Variants in NFYB observed in about 807,000 individuals in gnomAD.
The protein encoded by NFYB is CAAT box DNA-binding protein subunit B.
A neutral mutation model predicts 28.0 loss-of-function variants in NFYB; 13 were observed. The ratio of observed to expected loss-of-function variants is 0.46; its 90% CI spans 0.30 to 0.74. The LOEUF (loss-of-function observed/expected upper bound fraction) is 0.74, where lower values mean the gene tolerates loss of function less well. Ranked by LOEUF, NFYB falls within the 30% of genes least tolerant of loss-of-function variation. The pLI is 0.07. For missense variants in NFYB, 142 were observed against 247.6 expected (o/e 0.57, Z 2.86); for synonymous variants, 74 against 75.0 (o/e 0.99, Z 0.07).
chr12:104,132,301 C>T (rs2030952955), intron 2 of NFYB, among the ~76,000 whole-genome samples: 1 of 151,910 alleles, frequency 6.6e-6, no homozygotes, highest in Admixed American at 6.6e-5. Context: ...CCAAGAAATA[C>T]AGTACTGGTG....
At chr12:104,124,537 CAT>C (rs1456211030) in intron 4 of NFYB, among the ~76,000 whole-genome samples, 1 of 152,114 alleles carries the variant, frequency 6.6e-6, no homozygotes, top group Non-Finnish European at 1.5e-5. Flanking sequence ...ATGTGAGCCA[CAT>C]ATGTCAGTTT....
chr12:104,119,793 A>G (rs1399647705), intron 7 of NFYB, 24 bp from the exon 8 acceptor site: 9 of 1,538,316 alleles, frequency 5.9e-6, no homozygotes, highest in Non-Finnish European at 8.1e-6. Context: ...ATTTAAATTG[A>G]GCAGAATTAA....
At chr12:104,126,009 G>T in intron 4 of NFYB, 105 bp downstream of exon 4, 1 of 1,182,810 alleles carries the variant, frequency 8.5e-7, no homozygotes, top group Non-Finnish European at 1.1e-6. Flanking sequence ...TTTGCTGAAA[G>T]CCTGAATGAT....
chr12:104,127,661 G>A (rs1217404793), intron 3 of NFYB, among the ~76,000 whole-genome samples: 1 of 121,558 alleles, frequency 8.2e-6, no homozygotes, highest in Non-Finnish European at 1.7e-5. Context: ...ACATAACACT[G>A]CCTTTTTTTT....
At chr12:104,130,605 A>G (rs1221422548) in intron 2 of NFYB, among the ~76,000 whole-genome samples, 1 of 152,230 alleles carries the variant, frequency 6.6e-6, no homozygotes. Flanking sequence ...GAAAATAAGC[A>G]TCCCTGCCAA....
At chr12:104,120,500 T>G (rs774154925) in intron 6 of NFYB, 21 bp from the exon 7 acceptor site, 11 of 1,568,190 alleles carry the variant, frequency 7.0e-6, no homozygotes, top group South Asian at 1.1e-5. Context: ...AAAAATTAGT[T>G]AAAGAGGGAA....
chr12:104,124,256 A>T (rs1199306264), intron 4 of NFYB, among the ~76,000 whole-genome samples: 7 of 152,254 alleles, frequency 4.6e-5, no homozygotes, highest in African/African-American at 1.7e-4. Context: ...TTTGGGATAC[A>T]CAGTGTCAGA....
intron 4 of NFYB, among the ~76,000 whole-genome samples, chr12:104,124,334 A>C (rs186643006): frequency 4.3e-4 from 65 of 152,336 alleles, no homozygotes; most frequent in Admixed American, 2.3e-3. Flanking sequence ...TTATAAAAAC[A>C]ATTTTTCCCT....
Position 104,120,393 on chromosome 12 carries a change from A to T in NFYB, c.591+7T>A, listed in dbSNP as rs1340795145. On this transcript the variant is annotated splice_region_variant and intron_variant, in intron 7 of 7. Transcript: ENST00000240055. ...TTTTTAAGCATTTAAAATACAAAGG[A>T]CTGTACCTGTTGATATGATGTTGTG... 1.2e-6 allele frequency: 2 copies of T among 1,608,632 alleles called. No individual in the cohort carries two copies. The highest frequency in any genetic ancestry group is 1.3e-5 in the African/African-American group (1 of 74,916).
Position 104,135,645 on chromosome 12 carries a change from G to C in NFYB, c.-79-113C>G, listed in dbSNP as rs186531763. 32 of 433,118 alleles carry C rather than the reference G, an allele frequency of 7.4e-5. No individual in the cohort carries two copies. In the East Asian group the frequency reaches 1.2e-3, roughly 16 times the overall value. 26.8% of individuals were successfully genotyped at this position (433,118 alleles called of 1,614,324 possible). ...AATTAAAGAGGGCTTGTATAATTTT[G>C]ACTACTATTCTTAATCAATGGAGTA... On this transcript the variant is annotated intron_variant, in intron 1 of 7. Coordinates refer to ENST00000240055, the MANE Select transcript of NFYB (RefSeq NM_006166.4).
rs115884965 is a variant in NFYB, at chr12:104,122,812, C to A, written c.429+414G>T. ...CTGAGAAATGTTACATAATTTACTA[C>A]AAAATGAATTTTTAAAACAAGTAAT... is the stretch of plus-strand genomic sequence containing the variant. On this transcript the variant is annotated intron_variant, in intron 5 of 7. Transcript: ENST00000240055. 7.4e-3 allele frequency among the ~76,000 whole-genome samples: 1,123 copies of A among 152,250 alleles called. 21 individuals carry two copies. The South Asian group carries it at 0.074, about 10-fold the overall frequency.
chr12:104,130,916 G>C (rs1228406055), intron 2 of NFYB, among the ~76,000 whole-genome samples: 1 of 152,096 alleles, frequency 6.6e-6, no homozygotes, highest in African/African-American at 2.4e-5. Flanking sequence ...ACTTTGGTTG[G>C]GGGTGGGGAG....
chr12:104,120,323 G>C, intron 7 of NFYB, 77 bp downstream of exon 7: 1 of 1,238,442 alleles, frequency 8.1e-7, no homozygotes, highest in Non-Finnish European at 1.2e-6. Context: ...CCAAGGTGCT[G>C]GGATTACAGG....
chr12:104,137,502 G>C (rs2031150722), intron 1 of NFYB: 1 of 151,990 alleles, frequency 6.6e-6, no homozygotes, highest in South Asian at 2.1e-4. Flanking sequence ...CCGGCCCCAC[G>C]GCCTGGTCCC....
rs2030356157 is a variant in NFYB at position 104,118,769 on chromosome 12, AG to A, written c.*967del. Reference sequence around the variant, plus strand: ...CATTTCATCCACTCACCCATGCAAAAGGTCTGTACACGCAATGATGTCTGAT... The same window carrying A: ...CATTTCATCCACTCACCCATGCAAAAGTCTGTACACGCAATGATGTCTGAT... On this transcript the variant is annotated 3_prime_UTR_variant, in exon 8 of 8. Coordinates refer to ENST00000240055, the MANE Select transcript of NFYB (RefSeq NM_006166.4). The A allele has an allele frequency of 6.6e-6, 1 of 152,170 alleles. No homozygotes were observed. Among genetic ancestry groups the A allele is most frequent in the Admixed American group, 6.6e-5 (1 of 15,262 alleles). The allele number at this position is 152,170 out of a possible 1,614,324, so 9.4% of individuals were successfully genotyped here.
In NFYB at chr12:104,119,520, T is replaced by C. The variant is rs1319957301; in HGVS notation, c.*217A>G. 1 of 454,026 alleles carries C rather than the reference T, an allele frequency of 2.2e-6. No individual in the cohort carries two copies. Among genetic ancestry groups the C allele is most frequent in the African/African-American group, 1.9e-5 (1 of 51,498 alleles). 28.1% of individuals were successfully genotyped at this position (454,026 alleles called of 1,614,324 possible). A position where few individuals can be genotyped will look rare whatever the true frequency, so the allele number is the denominator to read the frequency against. On this transcript the variant is annotated 3_prime_UTR_variant, in exon 8 of 8. Transcript: ENST00000240055. The stretch of plus-strand genomic sequence containing the variant: ...ACTCTCGTACAAAACAAAAATATTT[T>C]AATACCTTTAAAATCCAAATTTTTC...
intron 4 of NFYB, chr12:104,125,187 G>A (rs1565824217): frequency 6.6e-6 from 1 of 152,234 alleles, no homozygotes; most frequent in Non-Finnish European, 1.5e-5. Flanking sequence ...ACCTATATCA[G>A]ACCAATACGA....
intron 7 of NFYB, 90 bp from the exon 8 acceptor site, chr12:104,119,859 GACAATA>G (rs1342671431): frequency 6.2e-6 from 5 of 801,700 alleles, no homozygotes; most frequent in Non-Finnish European, 8.3e-6. Context: ...TGAATAAAAA[GACAATA>G]ACAAGTCTAA....
chr12:104,122,940 C>T (rs545220027), intron 5 of NFYB, among the ~76,000 whole-genome samples: 128 of 151,810 alleles, frequency 8.4e-4, no homozygotes, highest in African/African-American at 2.9e-3. Context: ...TTTGGGAGGC[C>T]GAGGCAGGTG....
Sources: gnomAD v4.1 joint callset for allele counts (sites outside exome capture counted in the v4.1 genomes callset) on GRCh38, gnomAD v4.1.1 for gene constraint, MANE v1.5 for transcripts, NCBI Gene and HGNC (gene_info 2026-07-23, HGNC 2026-07-21) for gene names.